NOS3: variants seen among roughly 807,000 people sequenced by gnomAD.
NOS3 encodes nitric oxide synthase 3, also known as NOS type III.
Under a neutral mutation model 144.9 loss-of-function variants are expected in NOS3, and 98 were observed. That is an observed-to-expected ratio of 0.68 (90% CI 0.57 to 0.80). NOS3 has a LOEUF of 0.80. Ranked by LOEUF, NOS3 falls within the 30% of genes least tolerant of loss-of-function variation. The pLI is 0.00. For missense variants in NOS3, 1,465 were observed against 1,656.4 expected, an observed-to-expected ratio of 0.88 and a Z score of 2.01; for synonymous variants, 714 against 702.4, an observed-to-expected ratio of 1.02 and a Z score of -0.26.
In NOS3 at chr7:151,007,488, G is replaced by A. The variant is rs1365936851; in HGVS notation, c.2112+212G>A. Among the ~76,000 whole-genome samples, 4 of 152,294 alleles carry A rather than the reference G, an allele frequency of 2.6e-5. No homozygotes were observed. In the East Asian group the frequency reaches 7.7e-4, roughly 29 times the overall value. On this transcript the variant is annotated intron_variant, in intron 17 of 26. Coordinates refer to ENST00000297494, the MANE Select transcript of NOS3 (RefSeq NM_000603.5). ...AGGGGTGCCTAGCCCAGGCAGAAGT[G>A]CAGCCGAAAGAGAGCAGGCAGGGCC...
At position 150,996,424 on chromosome 7, in the gene NOS3, A is replaced by G; in HGVS notation, c.291A>G (p.Arg97=). 1 of 1,539,598 alleles carries G rather than the reference A, an allele frequency of 6.5e-7. No homozygotes were observed. The highest frequency in any genetic ancestry group is 1.5e-5 in the African/African-American group (1 of 66,574). ...CCCAGGATGGGCCCTGCACCCCAAG[A>G]CGCTGCCTGGGCTCCCTGGTATTTC... is the stretch of plus-strand genomic sequence containing the variant. ...QAQQDGPCTP[R]RCLGSLVFPR... The change falls in exon 4 of 27, where the codon AGA becomes AGG. Residue 97 remains arginine (R), a synonymous_variant. Coordinates refer to ENST00000297494, the MANE Select transcript of NOS3 (RefSeq NM_000603.5).
chr7:150,999,542 AGGGGTGTGTGTG>A (rs567772860), intron 9 of NOS3, among the ~76,000 whole-genome samples, 178 bp downstream of exon 9: 87 of 151,192 alleles, frequency 5.8e-4, no homozygotes, highest in African/African-American at 2.0e-3. Flanking sequence ...AGGGGGTGGC[AGGGGTGTGTGTG>A]GGGGTGTGAG....
In NOS3 at chr7:150,998,231, G is replaced by A; in HGVS notation, c.583-126G>A. 1.3e-6 allele frequency: 1 copy of A among 767,630 alleles called. No individual in the cohort carries two copies. Among genetic ancestry groups the A allele is most frequent in the South Asian group, 1.7e-5 (1 of 58,522 alleles). 47.6% of individuals were successfully genotyped at this position (767,630 alleles called of 1,614,324 possible). On this transcript the variant is annotated intron_variant, in intron 5 of 26. Transcript: ENST00000297494. This position sits in a 1 kb window ranked among gnomAD's most constrained non-coding sequence, Gnocchi z 5.0. ...GGAAGGGATCAGTGTGGCTGCCAAT[G>A]GTCAGGAGGGCGCCATGGAGTGAAC...
At chr7:151,001,119 G>A (rs1795081929) in intron 10 of NOS3, 112 bp from the exon 11 acceptor site, 1 of 1,017,792 alleles carries the variant, frequency 9.8e-7, no homozygotes, top group African/African-American at 1.6e-5. Flanking sequence ...GGGTGTGTTA[G>A]ATATGGGGTA....
At chr7:151,011,837 T>C (rs1419464024) in intron 23 of NOS3, 1 of 444,166 alleles carries the variant, frequency 2.3e-6, no homozygotes, top group East Asian at 7.6e-5. Context: ...GGGTGAAGGA[T>C]TTTAAGAGAC....
At position 151,012,465 on chromosome 7, in the gene NOS3, G is replaced by A. The variant is rs1563234134; in HGVS notation, c.3099G>A (p.Glu1033=). The part of the protein sequence containing the change: ...GFWQERLHDI[E]SKGLQPTPMT... Reference sequence around the variant, plus strand: ...GGCAGGAGCGGCTGCATGACATTGAGAGCAAAGGTGAGGCTGGGGACTAAA... The same window carrying A: ...GGCAGGAGCGGCTGCATGACATTGAAAGCAAAGGTGAGGCTGGGGACTAAA... Residue 1033 remains glutamate (E), a synonymous_variant, in exon 24 of 27, where the codon GAG becomes GAA. Coordinates refer to ENST00000297494, the MANE Select transcript of NOS3 (RefSeq NM_000603.5). 64 of 1,612,206 alleles carry A rather than the reference G, an allele frequency of 4.0e-5. No individual in the cohort carries two copies. Among genetic ancestry groups the A allele is most frequent in the Non-Finnish European group, 5.4e-5 (64 of 1,179,308 alleles).
chr7:150,996,460 A>G lies in NOS3; in HGVS notation c.327A>G (p.Leu109=), dbSNP rs1047535461. Residue 109 remains leucine, a synonymous_variant, in exon 4 of 27, where the codon CTA becomes CTG. Transcript: ENST00000297494. The part of the protein sequence containing the change: ...CLGSLVFPRK[L]QGRPSPGPPA... ...GCTCCCTGGTATTTCCACGGAAACT[A>G]CAGGGCCGGCCCTCCCCCGGCCCCC... 6.3e-7 allele frequency: 1 copy of G among 1,580,794 alleles called. No homozygotes were observed. The highest frequency in any genetic ancestry group is 8.6e-7 in the Non-Finnish European group (1 of 1,165,562).
At chr7:150,995,402 C>A in intron 3 of NOS3, 88 bp downstream of exon 3, 2 of 818,080 alleles carry the variant, frequency 2.4e-6, no homozygotes, top group South Asian at 1.7e-5. Flanking sequence ...GGAAGCTCAA[C>A]CCTTCTTTGA....
At chr7:150,996,621 C>G (rs1242364275) in intron 4 of NOS3, 69 bp downstream of exon 4, 6 of 1,518,814 alleles carry the variant, frequency 4.0e-6, no homozygotes, top group Non-Finnish European at 5.4e-6. Context: ...TGACGACCTT[C>G]CCATGACCCC....
At chr7:151,004,713 T>G (rs1376752983) in intron 14 of NOS3, among the ~76,000 whole-genome samples, 1 of 152,204 alleles carries the variant, frequency 6.6e-6, no homozygotes, top group Non-Finnish European at 1.5e-5. Context: ...GGGTTCACTT[T>G]ATATAAAGTT....
Position 151,009,428 on chromosome 7 carries a change from C to A in NOS3, c.2355C>A (p.Thr785=), listed in dbSNP as rs779498246. 3.2e-6 allele frequency: 5 copies of A among 1,546,768 alleles called. No homozygotes were observed. In the African/African-American group the frequency reaches 6.9e-5, roughly 21 times the overall value. Residue 785 remains threonine, a synonymous_variant, in exon 20 of 27, where the codon ACC becomes ACA. Transcript: ENST00000297494. ...CCACCATCCTGGTGCGCCTGGACAC[C>A]GGAGGCCAGGAGGGGCTGCAGTACC... is the stretch of plus-strand genomic sequence containing the variant. ...TRATILVRLD[T]GGQEGLQYQP...
At chr7:151,007,040 G>A in intron 16 of NOS3, 35 bp downstream of exon 16, 2 of 1,613,854 alleles carry the variant, frequency 1.2e-6, no homozygotes, top group Non-Finnish European at 1.7e-6. Flanking sequence ...CAACGGGTGG[G>A]CAAGCTGCCT....
chr7:151,010,443 T>C, intron 21 of NOS3, 154 bp from the exon 22 acceptor site: 1 of 1,061,002 alleles, frequency 9.4e-7, no homozygotes, highest in South Asian at 1.7e-5. Flanking sequence ...CAGGGAGGAA[T>C]TCATGGCTGG....
At chr7:150,996,739 C>A in intron 4 of NOS3, 24 bp from the exon 5 acceptor site, 1 of 1,609,596 alleles carries the variant, frequency 6.2e-7, no homozygotes, top group East Asian at 2.2e-5. Context: ...CTGCTTGTCC[C>A]CTTCCCACCC....
chr7:150,994,025 G>A, intron 2 of NOS3, 64 bp downstream of exon 2: 1 of 1,501,054 alleles, frequency 6.7e-7, no homozygotes. Context: ...GAAGCCTGGG[G>A]CTGGGAAGGT....
At position 151,003,405 on chromosome 7, in the gene NOS3, C is replaced by CGT; in HGVS notation, c.1752+1103_1752+1104dup. ...CCTCCCAAAGTGCTGCGATTATAGA[C>CGT]GTGAGCCACTGCACCTGGCCCTCAG... On this transcript the variant is annotated intron_variant, in intron 14 of 26. Transcript: ENST00000297494. The surrounding 1 kb of genome is among the most constrained non-coding windows in gnomAD (Gnocchi z 4.1). 8.2e-7 allele frequency: 1 copy of CGT among 1,225,696 alleles called. No homozygotes were observed. The highest frequency in any genetic ancestry group is 1.0e-6 in the Non-Finnish European group (1 of 954,556). 75.9% of individuals were successfully genotyped at this position (1,225,696 alleles called of 1,614,324 possible). A position where few individuals can be genotyped will look rare whatever the true frequency, so the allele number is the denominator to read the frequency against.
rs1222105766 is a variant in NOS3 at position 150,998,721 on chromosome 7, G to A, written c.816+41G>A. The A allele has an allele frequency of 6.3e-7, 1 of 1,577,642 alleles. No individual in the cohort carries two copies. The highest frequency in any genetic ancestry group is 8.6e-7 in the Non-Finnish European group (1 of 1,161,370). The stretch of plus-strand genomic sequence containing the variant: ...CACCCATGAGGGTGTCCCCAAGGTG[G>A]AGAATGAGGAAACCAGTGGGAGAAG... On this transcript the variant is annotated intron_variant, in intron 7 of 26. Coordinates refer to ENST00000297494, the MANE Select transcript of NOS3 (RefSeq NM_000603.5). This position sits in a 1 kb window ranked among gnomAD's most constrained non-coding sequence, Gnocchi z 5.0.
At position 151,003,732 on chromosome 7, in the gene NOS3, C is replaced by T. The variant is rs781715154; in HGVS notation, c.1752+1428C>T. ...CTAGAACGGCACCTAGATGGAAGCA[C>T]GCAGTGTTGCGGCGTCTCCTGCTGA... is the stretch of plus-strand genomic sequence containing the variant. On this transcript the variant is annotated intron_variant, in intron 14 of 26. Coordinates refer to ENST00000297494, the MANE Select transcript of NOS3 (RefSeq NM_000603.5). This position sits in a 1 kb window ranked among gnomAD's most constrained non-coding sequence, Gnocchi z 4.1. The T allele has an allele frequency of 2.1e-5, 10 of 485,738 alleles. 1 individual carries two copies. The highest frequency in any genetic ancestry group is 4.6e-5 in the South Asian group (3 of 64,822). 30.1% of individuals were successfully genotyped at this position (485,738 alleles called of 1,614,324 possible).
chr7:150,994,585 G>C (rs1189671755), intron 2 of NOS3, among the ~76,000 whole-genome samples: 2 of 152,188 alleles, frequency 1.3e-5, no homozygotes, highest in Non-Finnish European at 1.5e-5. Context: ...GAGGTCCCAG[G>C]AGGGAGGAAA....
Sources: allele counts gnomAD v4.1 joint callset (sites outside exome capture counted in the v4.1 genomes callset), GRCh38; gene constraint gnomAD v4.1.1; non-coding constraint Gnocchi (gnomAD v3.1); transcripts MANE v1.5; gene names NCBI Gene and HGNC (gene_info 2026-07-23, HGNC 2026-07-21).